Variants in TGFBR2 observed in about 807,000 individuals in gnomAD.
The protein encoded by TGFBR2 is transforming growth factor beta receptor 2.
Under a neutral mutation model 49.0 loss-of-function variants are expected in TGFBR2, and 18 were observed. That is an observed-to-expected ratio of 0.37 (90% CI 0.25 to 0.54). The LOEUF is 0.54. TGFBR2 is among the 20% of genes least tolerant of loss of function. TGFBR2 has a pLI of 0.85. For missense variants in TGFBR2, 525 were observed against 722.6 expected (o/e 0.73, Z 3.13); for synonymous variants, 282 against 275.9 (o/e 1.02, Z -0.22).
At chr3:30,636,655 C>T (rs767314424) in intron 1 of TGFBR2, among the ~76,000 whole-genome samples, 1 of 151,966 alleles carries the variant, frequency 6.6e-6, no homozygotes, top group Non-Finnish European at 1.5e-5. Flanking sequence ...TTTTACAGGG[C>T]CAAATAATGT....
At position 30,691,716 on chromosome 3, in the gene TGFBR2, C is replaced by T; in HGVS notation, c.*117C>T. On this transcript the variant is annotated 3_prime_UTR_variant, in exon 7 of 7. Transcript: ENST00000295754. ...CCTGGAAAACCAAGGGGGTCACTCC[C>T]CTCCCTGTAAGCTGTGGGGATAAGC... 8.6e-7 allele frequency: 1 copy of T among 1,159,564 alleles called. No homozygotes were observed. Among genetic ancestry groups the T allele is most frequent in the South Asian group, 1.3e-5 (1 of 79,872 alleles). The allele number at this position is 1,159,564 out of a possible 1,614,324, so 71.8% of individuals were successfully genotyped here.
At chr3:30,684,726 T>C (rs1699595553) in intron 5 of TGFBR2, among the ~76,000 whole-genome samples, 1 of 151,986 alleles carries the variant, frequency 6.6e-6, no homozygotes, top group Non-Finnish European at 1.5e-5. Context: ...TATTAGGGAG[T>C]CTCACAACTT....
At position 30,688,380 on chromosome 3, in the gene TGFBR2, A is replaced by G. The variant is rs1699659007; in HGVS notation, c.1397-4A>G. 3 of 1,614,028 alleles carry G rather than the reference A, an allele frequency of 1.9e-6. No individual in the cohort carries two copies. The highest frequency in any genetic ancestry group is 2.5e-6 in the Non-Finnish European group (3 of 1,180,008). On this transcript the variant is annotated splice_region_variant and splice_polypyrimidine_tract_variant and intron_variant, in intron 5 of 6. Transcript: ENST00000295754. ...GACCCTGTGTTTGCTGGCTTTCTTCACAGAAGTAAAAGATTATGAGCCTCC... is the reference window on the plus strand; with the variant it reads ...GACCCTGTGTTTGCTGGCTTTCTTCGCAGAAGTAAAAGATTATGAGCCTCC...
intron 5 of TGFBR2, among the ~76,000 whole-genome samples, chr3:30,680,154 G>A (rs1469184454): frequency 6.0e-5 from 7 of 116,422 alleles, no homozygotes; most frequent in African/African-American, 2.4e-4. Context: ...TAGTAGCTAT[G>A]ATTCCTATGA....
At chr3:30,664,414 A>C (rs1169264412) in intron 3 of TGFBR2, among the ~76,000 whole-genome samples, 1 of 152,216 alleles carries the variant, frequency 6.6e-6, no homozygotes, top group Non-Finnish European at 1.5e-5. Flanking sequence ...TCTGTCACTC[A>C]TAGAGGCCAG....
At chr3:30,690,676 G>A (rs551867614) in intron 6 of TGFBR2, among the ~76,000 whole-genome samples, 2 of 152,142 alleles carry the variant, frequency 1.3e-5, no homozygotes, top group African/African-American at 4.8e-5. Flanking sequence ...TCTGGAAAAG[G>A]CAAAAACTAC....
intron 1 of TGFBR2, among the ~76,000 whole-genome samples, chr3:30,633,120 G>T (rs1415087108): frequency 6.6e-6 from 1 of 152,184 alleles, no homozygotes; most frequent in Non-Finnish European, 1.5e-5. Flanking sequence ...CAGGAAGGAT[G>T]AGGGCTTGTG....
At chr3:30,622,055 C>T (rs1262071775) in intron 1 of TGFBR2, among the ~76,000 whole-genome samples, 1 of 152,160 alleles carries the variant, frequency 6.6e-6, no homozygotes, top group Non-Finnish European at 1.5e-5. Flanking sequence ...TTCAGAGGTA[C>T]ATCTTTAATA....
intron 1 of TGFBR2, among the ~76,000 whole-genome samples, chr3:30,638,518 A>G (rs1698586035): frequency 6.6e-6 from 1 of 152,146 alleles, no homozygotes; most frequent in South Asian, 2.1e-4. Context: ...AAAGCCCGAT[A>G]CCTCTCTTCT....
intron 1 of TGFBR2, among the ~76,000 whole-genome samples, chr3:30,631,819 A>G (rs778772104): frequency 6.6e-6 from 1 of 152,026 alleles, no homozygotes; most frequent in Non-Finnish European, 1.5e-5. Context: ...GAGAACAGGC[A>G]CAGAGAGTGG....
At chr3:30,635,613 C>A (rs1285750800) in intron 1 of TGFBR2, among the ~76,000 whole-genome samples, 1 of 152,142 alleles carries the variant, frequency 6.6e-6, no homozygotes, top group African/African-American at 2.4e-5. Context: ...AAAAAAACTT[C>A]CTTGTAAATT....
chr3:30,621,540 C>T (rs1193098585), intron 1 of TGFBR2, among the ~76,000 whole-genome samples: 1 of 152,140 alleles, frequency 6.6e-6, no homozygotes, highest in African/African-American at 2.4e-5. Flanking sequence ...CTCGGCTTCC[C>T]AAAGTGCTGG....
intron 1 of TGFBR2, among the ~76,000 whole-genome samples, chr3:30,635,992 C>A (rs11924422): frequency 0.61 from 92,094 of 151,934 alleles, 28,032 homozygotes; most frequent in East Asian, 0.71. Context: ...ATGAGGTTGC[C>A]GTTGTTAATG....
chr3:30,621,895 T>C (rs900828707), intron 1 of TGFBR2, among the ~76,000 whole-genome samples: 1 of 152,216 alleles, frequency 6.6e-6, no homozygotes, highest in Admixed American at 6.5e-5. Context: ...GCTGCAGCCG[T>C]AGTTAGCCCC....
intron 1 of TGFBR2, among the ~76,000 whole-genome samples, chr3:30,625,933 T>C (rs17025785): frequency 0.36 from 54,141 of 152,108 alleles, 10,285 homozygotes; most frequent in East Asian, 0.68. Flanking sequence ...CTCCAGTCCA[T>C]GTAGCATAAG....
In TGFBR2 at chr3:30,692,384, C is replaced by T; in HGVS notation, c.*785C>T. 1 of 230,840 alleles carries T rather than the reference C, an allele frequency of 4.3e-6. No homozygotes were observed. The highest frequency in any genetic ancestry group is 8.6e-6 in the Non-Finnish European group (1 of 116,526). 14.3% of individuals were successfully genotyped at this position (230,840 alleles called of 1,614,324 possible). A position where few individuals can be genotyped will look rare whatever the true frequency, so the allele number is the denominator to read the frequency against. On this transcript the variant is annotated 3_prime_UTR_variant, in exon 7 of 7. Coordinates refer to ENST00000295754, the MANE Select transcript of TGFBR2 (RefSeq NM_003242.6). ...TAGAAACTCTACCCCATCTTTAATA[C>T]CTTGAATGTTTTGAACCCCACTTTT...
Position 30,676,371 on chromosome 3 carries a change from A to T in TGFBR2, c.1396+2125A>T, listed in dbSNP as rs1023653838. Among the ~76,000 whole-genome samples the T allele has an allele frequency of 6.6e-6, 1 of 152,210 alleles. No individual in the cohort carries two copies. Among genetic ancestry groups the T allele is most frequent in the Non-Finnish European group, 1.5e-5 (1 of 68,032 alleles). ...GATGATCTATGACTAATTCCTGCCT[A>T]TAACAATTATTACTATAATGTTTAC... is the stretch of plus-strand genomic sequence containing the variant. On this transcript the variant is annotated intron_variant, in intron 5 of 6. Transcript: ENST00000295754. This position sits in a 1 kb window ranked among gnomAD's most constrained non-coding sequence, Gnocchi z 4.3.
chr3:30,666,641 T>TCCCCCCCC (rs1699249624), intron 3 of TGFBR2, among the ~76,000 whole-genome samples: 1 of 103,034 alleles, frequency 9.7e-6, no homozygotes, highest in Non-Finnish European at 1.9e-5. Context: ...TACCCCCCCA[T>TCCCCCCCC]CCCCGCCCGC....
intron 5 of TGFBR2, among the ~76,000 whole-genome samples, chr3:30,680,780 AAGG>A (rs1382682865): frequency 1.3e-5 from 2 of 152,194 alleles, no homozygotes; most frequent in Non-Finnish European, 2.9e-5. Flanking sequence ...TTCTACGAAA[AAGG>A]AGAAAAAGCT....
Sources: gnomAD v4.1 joint callset for allele counts (sites outside exome capture counted in the v4.1 genomes callset) on GRCh38, gnomAD v4.1.1 for gene constraint, Gnocchi (gnomAD v3.1) non-coding constraint, MANE v1.5 for transcripts, NCBI Gene and HGNC (gene_info 2026-07-23, HGNC 2026-07-21) for gene names.